VAV2: variants seen among roughly 807,000 people sequenced by gnomAD.
VAV2 encodes the protein guanine nucleotide exchange factor VAV2.
A neutral mutation model predicts 132.5 loss-of-function variants in VAV2; 67 were observed. The observed-to-expected ratio is 0.51, with a 90% CI of 0.42 to 0.62. The LOEUF (loss-of-function observed/expected upper bound fraction) is 0.62. Among genes scored for constraint, VAV2 ranks in the 20% least tolerant of loss-of-function variants. VAV2 has a pLI of 0.00. For synonymous variants in VAV2, 492 were observed against 443.5 expected (o/e 1.11, Z -1.37); for missense variants, 938 against 1,153.6 (o/e 0.81, Z 2.71).
intron 1 of VAV2, among the ~76,000 whole-genome samples, chr9:133,940,272 G>A (rs1841089783): frequency 1.3e-5 from 2 of 152,160 alleles, no homozygotes; most frequent in Non-Finnish European, 1.5e-5. Flanking sequence ...ACGGGGATTC[G>A]CGAGGGGAGG....
At chr9:133,778,660 C>A in intron 22 of VAV2, 102 bp downstream of exon 22, 1 of 1,485,354 alleles carries the variant, frequency 6.7e-7, no homozygotes, top group South Asian at 1.3e-5. Flanking sequence ...TCTCACCTCT[C>A]TGCCTCTGCC....
At position 133,885,780 on chromosome 9, in the gene VAV2, CGGT is replaced by C. The variant is rs1564435413; in HGVS notation, c.322-24351_322-24349del. ...TCTCCCTGACCTCGCAAACCCACCA[CGGT>C]GCCGGCACAAACCCTTCACAAAGCA... On this transcript the variant is annotated intron_variant, in intron 2 of 29. Coordinates refer to ENST00000371850, the MANE Select transcript of VAV2 (RefSeq NM_001134398.2). This position sits in a 1 kb window ranked among gnomAD's most constrained non-coding sequence, Gnocchi z 5.0. 6.6e-6 allele frequency among the ~76,000 whole-genome samples: 1 copy of C among 152,192 alleles called. No individual in the cohort carries two copies. Among genetic ancestry groups the C allele is most frequent in the South Asian group, 2.1e-4 (1 of 4,828 alleles).
intron 2 of VAV2, among the ~76,000 whole-genome samples, chr9:133,878,250 G>A (rs1324574154): frequency 3.3e-5 from 5 of 152,130 alleles, no homozygotes; most frequent in Non-Finnish European, 2.9e-5. Flanking sequence ...ACAGGTTGCT[G>A]GCACCTCTGC....
Position 133,768,740 on chromosome 9 carries a change from G to C in VAV2, c.2435-144C>G. On this transcript the variant is annotated intron_variant, in intron 28 of 29. Coordinates refer to ENST00000371850, the MANE Select transcript of VAV2 (RefSeq NM_001134398.2). This position sits in a 1 kb window ranked among gnomAD's most constrained non-coding sequence, Gnocchi z 5.3. Reference sequence around the variant, plus strand: ...GAGAGGAAGGATGTCAAGCAGAAAGGCTCTGGAGGGACACACTGGCCTCCA... The same window carrying C: ...GAGAGGAAGGATGTCAAGCAGAAAGCCTCTGGAGGGACACACTGGCCTCCA... 1 of 1,118,554 alleles carries C rather than the reference G, an allele frequency of 8.9e-7. No individual in the cohort carries two copies. Among genetic ancestry groups the C allele is most frequent in the Non-Finnish European group, 1.2e-6 (1 of 808,704 alleles). 69.3% of individuals were successfully genotyped at this position (1,118,554 alleles called of 1,614,324 possible).
At chr9:133,990,944 C>G (rs952839733) in intron 1 of VAV2, among the ~76,000 whole-genome samples, 1 of 152,162 alleles carries the variant, frequency 6.6e-6, no homozygotes, top group East Asian at 1.9e-4. Context: ...CGCCCCCCAA[C>G]CCGGCAGAGA....
rs1375882987 is a variant in VAV2 at position 133,788,521 on chromosome 9, C to T, written c.1275-35G>A. 1 of 1,588,230 alleles carries T rather than the reference C, an allele frequency of 6.3e-7. No homozygotes were observed. Among genetic ancestry groups the T allele is most frequent in the Admixed American group, 1.7e-5 (1 of 59,638 alleles). ...GCAGCGCAGCGGGGGATCAGCACCC[C>T]AGCACTGTGTGCTCTGCTCCGAGGA... On this transcript the variant is annotated intron_variant, in intron 14 of 29. Transcript: ENST00000371850. This position sits in a 1 kb window ranked among gnomAD's most constrained non-coding sequence, Gnocchi z 5.3.
At chr9:133,950,511 G>C (rs897768005) in intron 1 of VAV2, among the ~76,000 whole-genome samples, 2 of 152,164 alleles carry the variant, frequency 1.3e-5, no homozygotes, top group African/African-American at 2.4e-5. Flanking sequence ...AAGCCAAGGC[G>C]GGGGGTATAA....
At chr9:133,953,814 C>T (rs1286730929) in intron 1 of VAV2, among the ~76,000 whole-genome samples, 1 of 152,206 alleles carries the variant, frequency 6.6e-6, no homozygotes, top group Non-Finnish European at 1.5e-5. Context: ...GCATGTCCAA[C>T]AGCTGCCTCC....
At chr9:133,803,564 GC>G (rs1377791167) in intron 9 of VAV2, among the ~76,000 whole-genome samples, 1 of 152,184 alleles carries the variant, frequency 6.6e-6, no homozygotes, top group Admixed American at 6.5e-5. Context: ...GGTGGGAGAT[GC>G]CCCCTTTTAG....
intron 9 of VAV2, among the ~76,000 whole-genome samples, chr9:133,801,518 C>A (rs976497037): frequency 6.6e-6 from 1 of 152,218 alleles, no homozygotes; most frequent in Non-Finnish European, 1.5e-5. Context: ...TCGAGGGGCC[C>A]GCGCCCTCTC....
intron 6 of VAV2, 47 bp downstream of exon 6, chr9:133,810,144 G>A: frequency 6.2e-7 from 1 of 1,612,068 alleles, no homozygotes; most frequent in Non-Finnish European, 8.5e-7. Context: ...AGGTCAAGAA[G>A]ACGGCGCAGG....
intron 2 of VAV2, among the ~76,000 whole-genome samples, chr9:133,861,775 T>TG (rs1837606372): frequency 6.6e-6 from 1 of 152,154 alleles, no homozygotes; most frequent in Non-Finnish European, 1.5e-5. Context: ...GGCTCACTCA[T>TG]CCCATGCTGC....
At chr9:133,853,232 C>T (rs184040184) in intron 3 of VAV2, among the ~76,000 whole-genome samples, 2 of 152,328 alleles carry the variant, frequency 1.3e-5, no homozygotes, top group Non-Finnish European at 2.9e-5. Context: ...TTCTGCTGCC[C>T]CTGCAGATGT....
chr9:133,915,346 T>C (rs1364078646), intron 2 of VAV2, among the ~76,000 whole-genome samples: 1 of 152,146 alleles, frequency 6.6e-6, no homozygotes, highest in Non-Finnish European at 1.5e-5. Flanking sequence ...CCCCTCAACC[T>C]GATATTTTCA....
intron 12 of VAV2, 146 bp from the exon 13 acceptor site, chr9:133,792,015 T>C (rs55707741): frequency 1.4e-4 from 26 of 180,080 alleles, no homozygotes; most frequent in Non-Finnish European, 2.4e-4. Context: ...GTGAATGAGC[T>C]GTGCTGGGTG....
At chr9:133,905,222 A>C (rs1402824003) in intron 2 of VAV2, among the ~76,000 whole-genome samples, 9 of 151,936 alleles carry the variant, frequency 5.9e-5, no homozygotes, top group Non-Finnish European at 4.4e-5. Context: ...TGAGGTCAGG[A>C]GTTCGAGACC....
intron 29 of VAV2, among the ~76,000 whole-genome samples, chr9:133,765,355 C>T (rs903329324): frequency 6.6e-6 from 1 of 152,170 alleles, no homozygotes; most frequent in African/African-American, 2.4e-5. Context: ...GTTAATGTCA[C>T]AAATAATGAG....
At position 133,837,301 on chromosome 9, in the gene VAV2, C is replaced by G. The variant is rs2993799; in HGVS notation, c.381-2961G>C. Among the ~76,000 whole-genome samples the G allele has an allele frequency of 9.3e-3, 1,416 of 152,320 alleles. 21 individuals are homozygous for G. The highest frequency in any genetic ancestry group is 0.032 in the African/African-American group (1,331 of 41,546). On this transcript the variant is annotated intron_variant, in intron 3 of 29. Transcript: ENST00000371850. ...CCAAGAAAACTGCCTTCTGATGCCT[C>G]GTTAGGGCCTAAGAGCCCCACTCGC...
At chr9:133,892,978 AG>A (rs1481481270) in intron 2 of VAV2, among the ~76,000 whole-genome samples, 1 of 152,232 alleles carries the variant, frequency 6.6e-6, no homozygotes, top group Admixed American at 6.5e-5. Flanking sequence ...AAGTGAGACC[AG>A]GAACACCATC....
Sources: gnomAD v4.1 joint callset for allele counts (sites outside exome capture counted in the v4.1 genomes callset) on GRCh38, gnomAD v4.1.1 for gene constraint, Gnocchi (gnomAD v3.1) non-coding constraint, MANE v1.5 for transcripts, NCBI Gene and HGNC (gene_info 2026-07-23, HGNC 2026-07-21) for gene names.